The following ZNF329 variants were observed in gnomAD, a reference collection of about 807,000 sequenced individuals.
The protein encoded by ZNF329 is zinc finger protein 329.
In ZNF329, 15 loss-of-function variants were observed where a neutral mutation model predicts 26.6. The ratio of observed to expected loss-of-function variants is 0.56; its 90% CI spans 0.38 to 0.87. The LOEUF is 0.87. Among genes scored for constraint, ZNF329 ranks in the 40% least tolerant of loss-of-function variants. The probability of loss-of-function intolerance (pLI) is 0.00; values close to 1 mark genes in which losing one functional copy is unlikely to be tolerated. For synonymous variants in ZNF329, 239 were observed against 233.5 expected (o/e 1.02, Z -0.21); for missense variants, 651 against 651.9 (o/e 1.00, Z 0.02).
At position 58,127,649 on chromosome 19, in the gene ZNF329, G is replaced by C. The variant is rs1386293539; in HGVS notation, c.*229C>G. ...TTCCAGTGTGTGTGTTGTCATGTCTGGTACAGACTGAATCATCCCCAAAGA... is the reference window on the plus strand; with the variant it reads ...TTCCAGTGTGTGTGTTGTCATGTCTCGTACAGACTGAATCATCCCCAAAGA... On this transcript the variant is annotated 3_prime_UTR_variant, in exon 4 of 4. Coordinates refer to ENST00000598312, the MANE Select transcript of ZNF329 (RefSeq NM_024620.4). 1 of 478,598 alleles carries C rather than the reference G, an allele frequency of 2.1e-6. No individual in the cohort carries two copies. The highest frequency in any genetic ancestry group is 3.7e-6 in the Non-Finnish European group (1 of 268,916). The allele number at this position is 478,598 out of a possible 1,614,324, so 29.6% of individuals were successfully genotyped here.
At chr19:58,144,042 T>C (rs565502690) in intron 1 of ZNF329, among the ~76,000 whole-genome samples, 122 of 151,286 alleles carry the variant, frequency 8.1e-4, no homozygotes, top group African/African-American at 2.5e-3. Flanking sequence ...GATTGCACCA[T>C]TTCACTCCAG....
intron 3 of ZNF329, among the ~76,000 whole-genome samples, chr19:58,137,834 C>G (rs933708732): frequency 7.2e-5 from 10 of 138,618 alleles, no homozygotes; most frequent in Non-Finnish European, 1.6e-4. Flanking sequence ...AAAAAAAAAG[C>G]CAGGCGTACT....
At chr19:58,153,927 T>G (rs1280834556), upstream of ZNF329, among the ~76,000 whole-genome samples, 2 of 151,652 alleles carry the variant, frequency 1.3e-5, no homozygotes, top group Non-Finnish European at 2.9e-5. Flanking sequence ...GCTCTCAAAC[T>G]CCAGGGCTCA....
rs147789299 is a variant in ZNF329 at position 58,128,983 on chromosome 19, G to A, written c.521C>T (p.Ser174Leu). Reference protein sequence around the residue: ...HQKIMKRGKKSYEGKNFENIF... With the variant: ...HQKIMKRGKKLYEGKNFENIF... ...GTTCTCAAAATTCTTACCTTCATAC[G>A]ATTTCTTGCCTCTTTTCATTATTTT... is the stretch of plus-strand genomic sequence containing the variant. Residue 174 changes from serine (S) to leucine (L), a missense_variant, in exon 4 of 4, where the codon TCG becomes TTG. Physicochemically the swap from Ser to Leu is moderately radical, Grantham distance 145. Transcript: ENST00000598312. 2.9e-4 allele frequency: 471 copies of A among 1,612,726 alleles called. No homozygotes were observed. The highest frequency in any genetic ancestry group is 3.8e-4 in the Non-Finnish European group (443 of 1,179,434).
Position 58,128,001 on chromosome 19 carries a change from A to G in ZNF329, c.1503T>C (p.His501=). Residue 501 remains histidine, a synonymous_variant, in exon 4 of 4, where the codon CAT becomes CAC. Coordinates refer to ENST00000598312, the MANE Select transcript of ZNF329 (RefSeq NM_024620.4). ...SFKQNSHLAV[H]QRLHSREGPS... ...GACCCTCCCTGCTATGGAGTCTCTG[A>G]TGTACTGCCAGGTGAGAGTTCTGCT... 1 of 1,613,946 alleles carries G rather than the reference A, an allele frequency of 6.2e-7. No individual in the cohort carries two copies. Among genetic ancestry groups the G allele is most frequent in the Non-Finnish European group, 8.5e-7 (1 of 1,180,002 alleles).
intron 3 of ZNF329, 26 bp from the exon 4 acceptor site, chr19:58,129,537 TTAGGTA>T: frequency 6.5e-7 from 1 of 1,542,016 alleles, no homozygotes; most frequent in Non-Finnish European, 8.7e-7. Flanking sequence ...AAATGCAGAC[TTAGGTA>T]TATGAAGCTT....
In ZNF329 at chr19:58,130,673, C is replaced by CAA. The variant is rs11394563; in HGVS notation, c.-8-1164_-8-1163dup. Among the ~76,000 whole-genome samples, 496 of 87,776 alleles carry CAA rather than the reference C, an allele frequency of 5.7e-3. 7 individuals carry two copies. Among genetic ancestry groups the CAA allele is most frequent in the East Asian group, 9.4e-3 (27 of 2,876 alleles). The allele number at this position is 87,776 out of a possible 152,430, so 57.6% of individuals were successfully genotyped here. ...TGGGCCACAGAGCAAGACTCCGTCT[C>CAA]AAAAAAAAAAAAAAAAAAAAACTGG... On this transcript the variant is annotated intron_variant, in intron 3 of 3. Transcript: ENST00000598312.
At chr19:58,144,844 T>C (rs1255297381) in intron 1 of ZNF329, among the ~76,000 whole-genome samples, 2 of 121,984 alleles carry the variant, frequency 1.6e-5, no homozygotes, top group African/African-American at 3.2e-5. Context: ...CTGGATAATT[T>C]TTTTTCTTTT....
rs1230885165 is a variant in ZNF329, at chr19:58,127,200, T to G, written c.*678A>C. ...CCCTGCCAAAGCCTCTCTTTCTGAT[T>G]ACACTTAAAAAAGGTTGATTCAGGC... On this transcript the variant is annotated 3_prime_UTR_variant, in exon 4 of 4. Transcript: ENST00000598312. 1 of 152,200 alleles carries G rather than the reference T, an allele frequency of 6.6e-6. No homozygotes were observed. The highest frequency in any genetic ancestry group is 1.5e-5 in the Non-Finnish European group (1 of 68,096). The allele number at this position is 152,200 out of a possible 1,614,324, so 9.4% of individuals were successfully genotyped here.
chr19:58,152,966 G>A (rs1267130797), upstream of ZNF329, among the ~76,000 whole-genome samples: 2 of 152,150 alleles, frequency 1.3e-5, no homozygotes, highest in Non-Finnish European at 2.9e-5. Context: ...AGAAGAGTAT[G>A]CAAGAAGAGA....
rs543744352 is a variant in ZNF329 at position 58,128,668 on chromosome 19, C to T, written c.836G>A (p.Arg279Lys). Residue 279 changes from arginine to lysine, a missense_variant, in exon 4 of 4, where the codon AGA becomes AAA. By Grantham distance (26) the Arg-to-Lys change is conservative. Coordinates refer to ENST00000598312, the MANE Select transcript of ZNF329 (RefSeq NM_024620.4). ...SDGSALTQHQ[R>K]IHTGEKPYEC... ...ATAAGGTTTCTCGCCTGTGTGAATT[C>T]TCTGGTGCTGTGTCAGAGCTGAGCC... The T allele has an allele frequency of 3.7e-6, 6 of 1,603,452 alleles. No homozygotes were observed.
chr19:58,139,295 AC>A (rs2075135719), intron 3 of ZNF329, among the ~76,000 whole-genome samples: 1 of 152,160 alleles, frequency 6.6e-6, no homozygotes, highest in African/African-American at 2.4e-5. Flanking sequence ...AATATCGAAA[AC>A]TCTTACATTT....
At chr19:58,136,518 A>G (rs1478687491) in intron 3 of ZNF329, among the ~76,000 whole-genome samples, 1 of 151,870 alleles carries the variant, frequency 6.6e-6, no homozygotes, top group Non-Finnish European at 1.5e-5. Context: ...TATGAAAGAA[A>G]AAAAAAGTTA....
In ZNF329 at chr19:58,128,982, C is replaced by G. The variant is rs754751885; in HGVS notation, c.522G>C (p.Ser174=). Residue 174 remains serine, a synonymous_variant, in exon 4 of 4, where the codon TCG becomes TCC. Transcript: ENST00000598312. The part of the protein sequence containing the change: ...HQKIMKRGKK[S]YEGKNFENIF... ...TGTTCTCAAAATTCTTACCTTCATA[C>G]GATTTCTTGCCTCTTTTCATTATTT... 3.1e-6 allele frequency: 5 copies of G among 1,612,872 alleles called. No homozygotes were observed. In the Admixed American group the frequency reaches 8.4e-5, roughly 27 times the overall value.
chr19:58,145,602 G>A (rs1457834581), intron 1 of ZNF329, among the ~76,000 whole-genome samples: 3 of 152,098 alleles, frequency 2.0e-5, no homozygotes, highest in Admixed American at 6.6e-5. Context: ...GATTATAGGC[G>A]CGAGCCACTG....
chr19:58,135,557 C>T (rs2075045795), intron 3 of ZNF329, among the ~76,000 whole-genome samples: 1 of 152,134 alleles, frequency 6.6e-6, no homozygotes, highest in Non-Finnish European at 1.5e-5. Flanking sequence ...TGAGCCACTG[C>T]ACCCGGCAGG....
Position 58,126,834 on chromosome 19 carries a change from T to C in ZNF329, c.*1044A>G, listed in dbSNP as rs558220435. 1 of 152,302 alleles carries C rather than the reference T, an allele frequency of 6.6e-6. No homozygotes were observed. Among genetic ancestry groups the C allele is most frequent in the South Asian group, 2.1e-4 (1 of 4,812 alleles). 9.4% of individuals were successfully genotyped at this position (152,302 alleles called of 1,614,324 possible). A position where few individuals can be genotyped will look rare whatever the true frequency, so the allele number is the denominator to read the frequency against. ...ATGCCCAGATAATTTCCTGTATTTT[T>C]GGTAGAGATGGGGTTTCACCATGCT... On this transcript the variant is annotated 3_prime_UTR_variant, in exon 4 of 4. Transcript: ENST00000598312.
Position 58,144,214 on chromosome 19 carries a change from G to A in ZNF329, c.-207-1016C>T, listed in dbSNP as rs1410679564. ...TTTTCAGATGGAGTCTTGCTCTGTT[G>A]CCCAGGCTGGAGTGCAGTGGCGTGA... On this transcript the variant is annotated intron_variant, in intron 1 of 3. Transcript: ENST00000598312. 5.3e-5 allele frequency among the ~76,000 whole-genome samples: 8 copies of A among 151,062 alleles called. No homozygotes were observed. The East Asian group carries it at 7.8e-4, about 15-fold the overall frequency.
In ZNF329 at chr19:58,129,509, A is replaced by T; in HGVS notation, c.-6T>A. On this transcript the variant is annotated splice_region_variant and 5_prime_UTR_variant, in exon 4 of 4. An upstream open reading frame in the 5' UTR gains an earlier in-frame stop. Transcript: ENST00000598312. The stretch of plus-strand genomic sequence containing the variant: ...GTCGTCATTTTCAATCTCATATCCC[A>T]AACTGCAAAAAGAAGAAAAATGCAG... 6.4e-7 allele frequency: 1 copy of T among 1,573,456 alleles called. No individual in the cohort carries two copies. The highest frequency in any genetic ancestry group is 8.6e-7 in the Non-Finnish European group (1 of 1,161,302).
Sources: allele counts gnomAD v4.1 joint callset (sites outside exome capture counted in the v4.1 genomes callset), GRCh38; gene constraint gnomAD v4.1.1; transcripts MANE v1.5; gene names NCBI Gene and HGNC (gene_info 2026-07-23, HGNC 2026-07-21).